TRIT1: variants seen among roughly 807,000 people sequenced by gnomAD.
The protein encoded by TRIT1 is tRNA dimethylallyltransferase.
TRIT1 carries 43 observed loss-of-function variants against 51.2 expected under a neutral mutation model. That is an observed-to-expected ratio of 0.84 (90% CI 0.66 to 1.08). The LOEUF (loss-of-function observed/expected upper bound fraction) is 1.08. TRIT1 is among the 50% of genes least tolerant of loss of function. The pLI, the probability that TRIT1 is intolerant of heterozygous loss-of-function variation, is 0.00. For synonymous variants in TRIT1, 184 were observed against 203.9 expected (o/e 0.90, Z 0.83); for missense variants, 528 against 578.4 (o/e 0.91, Z 0.89).
At chr1:39,859,283 A>AC (rs1432932559) in intron 1 of TRIT1, among the ~76,000 whole-genome samples, 53 of 139,936 alleles carry the variant, frequency 3.8e-4, no homozygotes, top group African/African-American at 1.1e-3. Context: ...AAAAAAAAAA[A>AC]AAAAAAAAAA....
intron 1 of TRIT1, among the ~76,000 whole-genome samples, chr1:39,876,302 C>T (rs1264609247): frequency 6.6e-6 from 1 of 152,220 alleles, no homozygotes; most frequent in Non-Finnish European, 1.5e-5. Context: ...CCTCATGAAT[C>T]TGAATCTGCA....
rs542368505 is a variant in TRIT1 at position 39,850,399 on chromosome 1, A to G, written c.561-138T>C. On this transcript the variant is annotated intron_variant, in intron 4 of 10. Transcript: ENST00000316891. ...GAAAGCCAGTCACGACAGTGTGCAC[A>G]TCTGTAGTCCCAGCTACTCAGGAGG... 1.1e-5 allele frequency: 13 copies of G among 1,158,184 alleles called. 1 individual carries two copies. The South Asian group carries it at 1.9e-4, about 17-fold the overall frequency. The allele number at this position is 1,158,184 out of a possible 1,614,324, so 71.7% of individuals were successfully genotyped here. A position where few individuals can be genotyped will look rare whatever the true frequency, so the allele number is the denominator to read the frequency against.
intron 4 of TRIT1, among the ~76,000 whole-genome samples, chr1:39,852,119 A>G (rs941867717): frequency 2.0e-5 from 3 of 152,188 alleles, no homozygotes; most frequent in Non-Finnish European, 4.4e-5. Flanking sequence ...TAATCTGTAT[A>G]ACCATCAATA....
rs371983767 is a variant in TRIT1 at position 39,857,236 on chromosome 1, T to C, written c.315+41A>G. 225 of 1,565,044 alleles carry C rather than the reference T, an allele frequency of 1.4e-4. 2 individuals carry two copies. Among genetic ancestry groups the C allele is most frequent in the South Asian group, 6.4e-4 (55 of 85,784 alleles). ...AAACTTCTCTCTTGGCTTGGGCTGC[T>C]TTCACCCACCAAACCCAGCTGCTGC... On this transcript the variant is annotated intron_variant, in intron 2 of 10. Transcript: ENST00000316891.
Position 39,854,482 on chromosome 1 carries a change from A to G in TRIT1, c.316-414T>C, listed in dbSNP as rs185275643. On this transcript the variant is annotated intron_variant, in intron 2 of 10. Coordinates refer to ENST00000316891, the MANE Select transcript of TRIT1 (RefSeq NM_017646.6). ...AGGCAAAACACAAGCTGGTTTCTCT[A>G]AGGTTCTTAGACTTAGTCAGTCTCT... is the stretch of plus-strand genomic sequence containing the variant. Among the ~76,000 whole-genome samples the G allele has an allele frequency of 3.3e-5, 5 of 152,304 alleles. No individual in the cohort carries two copies. In the East Asian group the frequency reaches 9.6e-4, roughly 29 times the overall value.
At chr1:39,865,950 AAAG>A (rs1039040916) in intron 1 of TRIT1, among the ~76,000 whole-genome samples, 3 of 151,558 alleles carry the variant, frequency 2.0e-5, no homozygotes, top group African/African-American at 7.3e-5. Flanking sequence ...AAAAGAAAGA[AAAG>A]AAGAAAAGGA....
At chr1:39,866,109 G>GAAGC (rs1643542569) in intron 1 of TRIT1, among the ~76,000 whole-genome samples, 1 of 150,924 alleles carries the variant, frequency 6.6e-6, no homozygotes. Context: ...AGGAAGGAAG[G>GAAGC]AAGGAAGGAA....
At position 39,857,417 on chromosome 1, in the gene TRIT1, C is replaced by T. The variant is rs754280404; in HGVS notation, c.175G>A (p.Val59Ile). The part of the protein sequence containing the change: ...GEIVSADSMQ[V>I]YEGLDIITNK... ...GTGATGATGTCTAGGCCTTCATAGA[C>T]CTAGGGGAAAGAAAATTAACATGAG... The change falls in exon 2 of 11, where the codon GTC becomes ATC. Residue 59 changes from valine (V) to isoleucine (I), a missense_variant and splice_region_variant. Around this residue, in one of 3 missense-constraint regions of TRIT1, gnomAD observed 468 missense variants for 522.6 expected, o/e 0.90. Transcript: ENST00000316891. The T allele has an allele frequency of 1.9e-6, 3 of 1,608,242 alleles. No homozygotes were observed. In the African/African-American group the frequency reaches 4.0e-5, roughly 22 times the overall value.
Position 39,857,338 on chromosome 1 carries a change from A to G in TRIT1, c.254T>C (p.Phe85Ser), listed in dbSNP as rs757312002. Residue 85 changes from phenylalanine (F) to serine (S), a missense_variant, in exon 2 of 11, where the codon TTT (phenylalanine) becomes TCT (serine). Phe to Ser is a radical substitution (Grantham distance 155). Transcript: ENST00000316891. The part of the protein sequence containing the change: ...QRICRHHMIS[F>S]VDPLVTNYTV... ...GTAATTGGTCACAAGAGGATCCACAAAGCTGATCATGTGGTGCCGGCAGAT... is the reference window on the plus strand; with the variant it reads ...GTAATTGGTCACAAGAGGATCCACAGAGCTGATCATGTGGTGCCGGCAGAT... The G allele has an allele frequency of 6.2e-7, 1 of 1,613,960 alleles. No individual in the cohort carries two copies. Among genetic ancestry groups the G allele is most frequent in the African/African-American group, 1.3e-5 (1 of 74,922 alleles).
Position 39,852,861 on chromosome 1 carries a change from T to G in TRIT1, c.430A>C (p.Thr144Pro). 1 of 1,614,218 alleles carries G rather than the reference T, an allele frequency of 6.2e-7. No individual in the cohort carries two copies. The highest frequency in any genetic ancestry group is 8.5e-7 in the Non-Finnish European group (1 of 1,180,026). Reference sequence around the variant, plus strand: ...ACTTTTCGGTCAATCACTTTCTCAGTGCCCATCTCCTGGGGCTATTAAATG... The same window carrying G: ...ACTTTTCGGTCAATCACTTTCTCAGGGCCCATCTCCTGGGGCTATTAAATG... ...LVNTKPQEMG[T>P]EKVIDRKVEL... The change falls in exon 4 of 11, where the codon ACT (threonine) becomes CCT (proline). Residue 144 changes from threonine to proline, a missense_variant. Physicochemically the swap from Thr to Pro is conservative, Grantham distance 38. This residue lies in a region of TRIT1 where 468 missense variants were observed against 522.6 expected (regional missense o/e 0.90). Transcript: ENST00000316891.
At position 39,838,886 on chromosome 1, in the gene TRIT1, C is replaced by CAA. The variant is rs58018613; in HGVS notation, c.*2856_*2857dup. On this transcript the variant is annotated 3_prime_UTR_variant, in exon 11 of 11. Transcript: ENST00000316891. ...GGAACTAAAGAGAGCTAAGAGAGGA[C>CAA]AAAAAATTACTGAGAGTTAGGAAGG... 0.18 allele frequency among the ~76,000 whole-genome samples: 27,705 copies of CAA among 151,968 alleles called. 2,663 individuals are homozygous for CAA. The highest frequency in any genetic ancestry group is 0.22 in the Non-Finnish European group (14,769 of 67,948).
chr1:39,847,783 C>T, intron 6 of TRIT1, 123 bp from the exon 7 acceptor site: 1 of 1,536,534 alleles, frequency 6.5e-7, no homozygotes, highest in East Asian at 2.3e-5. Flanking sequence ...TGAGCAGTTA[C>T]TGATTCTCTG....
rs895651357 is a variant in TRIT1, at chr1:39,840,990, C to G, written c.*754G>C. The G allele has an allele frequency of 6.6e-6, 1 of 152,202 alleles. No individual in the cohort carries two copies. Among genetic ancestry groups the G allele is most frequent in the African/African-American group, 2.4e-5 (1 of 41,458 alleles). 9.4% of individuals were successfully genotyped at this position (152,202 alleles called of 1,614,324 possible). A position where few individuals can be genotyped will look rare whatever the true frequency, so the allele number is the denominator to read the frequency against. On this transcript the variant is annotated 3_prime_UTR_variant, in exon 11 of 11. Transcript: ENST00000316891. ...TGAGAAAAAGCTATCACATTGATAA[C>G]AGAGCATACTGTGTATAAACTAGGC...
intron 1 of TRIT1, among the ~76,000 whole-genome samples, chr1:39,879,257 AAAAC>A (rs542379737): frequency 1.1e-4 from 17 of 151,998 alleles, no homozygotes; most frequent in South Asian, 2.1e-4. Flanking sequence ...ACTCCATCTT[AAAAC>A]AAACAAACAA....
chr1:39,847,730 CT>C (rs1642316230), intron 6 of TRIT1, 70 bp from the exon 7 acceptor site: 1 of 1,605,432 alleles, frequency 6.2e-7, no homozygotes, highest in Admixed American at 1.7e-5. Context: ...GGAGATGGAC[CT>C]AGTTGAGCCA....
At chr1:39,883,039 A>G (rs1254236273) in intron 1 of TRIT1, among the ~76,000 whole-genome samples, 2 of 152,246 alleles carry the variant, frequency 1.3e-5, no homozygotes, top group African/African-American at 4.8e-5. Flanking sequence ...GTGACATGGA[A>G]AAAATCGTTT....
Position 39,844,087 on chromosome 1 carries a change from T to A in TRIT1, c.1234+14A>T. The A allele has an allele frequency of 6.3e-7, 1 of 1,592,334 alleles. No individual in the cohort carries two copies. Among genetic ancestry groups the A allele is most frequent in the Non-Finnish European group, 8.6e-7 (1 of 1,160,530 alleles). On this transcript the variant is annotated intron_variant, in intron 10 of 10. Transcript: ENST00000316891. ...ACCCTTATAGATTTCTTCATGCCCC[T>A]CCCCATACTCTACCTGCCCATTCGC... is the stretch of plus-strand genomic sequence containing the variant.
chr1:39,867,333 C>T (rs942502450), intron 1 of TRIT1, among the ~76,000 whole-genome samples: 6 of 152,006 alleles, frequency 3.9e-5, no homozygotes, highest in Admixed American at 1.3e-4. Context: ...TTAGTAGAGA[C>T]GGGGTTTCTC....
Position 39,841,898 on chromosome 1 carries a change from T to C in TRIT1, c.1250A>G (p.Lys417Arg). The C allele has an allele frequency of 6.2e-7, 1 of 1,612,712 alleles. No homozygotes were observed. Among genetic ancestry groups the C allele is most frequent in the Non-Finnish European group, 8.5e-7 (1 of 1,179,586 alleles). Residue 417 changes from lysine to arginine, a missense_variant, in exon 11 of 11, where the codon AAA becomes AGA. This residue lies in a region of TRIT1 where 468 missense variants were observed against 522.6 expected (regional missense o/e 0.90). Coordinates refer to ENST00000316891, the MANE Select transcript of TRIT1 (RefSeq NM_017646.6). ...DREWAAHIKS[K>R]SHLNQLKKRR... ...TTTCTTCAGTTGGTTCAAGTGGGAT[T>C]TGGATTTTATGTGCGCTGATAAGAC...
Sources: allele counts gnomAD v4.1 joint callset (sites outside exome capture counted in the v4.1 genomes callset), GRCh38; gene constraint gnomAD v4.1.1; regional missense constraint gnomAD v4.1.1; transcripts MANE v1.5; gene names NCBI Gene and HGNC (gene_info 2026-07-23, HGNC 2026-07-21).